RABGAP1: variants seen among roughly 807,000 people sequenced by gnomAD.
RABGAP1 encodes the protein RAB GTPase activating protein 1.
RABGAP1 carries 23 observed loss-of-function variants against 137.6 expected under a neutral mutation model. The observed-to-expected ratio is 0.17, with a 90% confidence interval of 0.12 to 0.24. The LOEUF is 0.24. Among genes scored for constraint, RABGAP1 ranks in the 10% least tolerant of loss-of-function variants. The pLI, the probability that RABGAP1 is intolerant of heterozygous loss-of-function variation, is 1.00. For missense variants in RABGAP1, 906 were observed against 1,275.8 expected (o/e 0.71, Z 4.42); for synonymous variants, 451 against 450.7 (o/e 1.00, Z -0.01).
chr9:123,019,226 A>G (rs1175237256), intron 12 of RABGAP1, among the ~76,000 whole-genome samples: 1 of 152,258 alleles, frequency 6.6e-6, no homozygotes, highest in Non-Finnish European at 1.5e-5. Context: ...GCCACCATAA[A>G]CATTCAGAAA....
chr9:122,989,083 A>G lies in RABGAP1; in HGVS notation c.591-214A>G, dbSNP rs79128071. ...TATACCTTTCTGTTTGCCTCCCTAAAACATGATACTATATGGTTTTTAGTA... is the reference window on the plus strand; with the variant it reads ...TATACCTTTCTGTTTGCCTCCCTAAGACATGATACTATATGGTTTTTAGTA... On this transcript the variant is annotated intron_variant, in intron 4 of 25. Coordinates refer to ENST00000373647, the MANE Select transcript of RABGAP1 (RefSeq NM_012197.4). Among the ~76,000 whole-genome samples, 1,350 of 152,278 alleles carry G rather than the reference A, an allele frequency of 8.9e-3. 15 individuals carry two copies. The highest frequency in any genetic ancestry group is 0.031 in the African/African-American group (1,277 of 41,542).
chr9:123,079,409 T>C (rs777429998), intron 19 of RABGAP1, among the ~76,000 whole-genome samples: 2 of 152,036 alleles, frequency 1.3e-5, no homozygotes, highest in Admixed American at 6.5e-5. Flanking sequence ...AGCCACTTTT[T>C]TGTATTTTTG....
chr9:123,034,677 T>G (rs752206999), intron 13 of RABGAP1: 10 of 1,613,160 alleles, frequency 6.2e-6, no homozygotes, highest in Non-Finnish European at 8.5e-6. Context: ...TTATTGTCTT[T>G]CTAACTGTAT....
intron 2 of RABGAP1, among the ~76,000 whole-genome samples, chr9:122,960,584 A>G (rs10985842): frequency 1.3e-3 from 194 of 152,346 alleles, no homozygotes; most frequent in African/African-American, 4.5e-3. Context: ...ACTGTATATT[A>G]TCTCAAGTAT....
chr9:123,037,901 TC>T (rs982356198), intron 13 of RABGAP1, among the ~76,000 whole-genome samples: 12 of 152,252 alleles, frequency 7.9e-5, no homozygotes, highest in African/African-American at 2.6e-4. Flanking sequence ...CAGTCTGACT[TC>T]AAAAAAAATG....
At chr9:123,018,033 G>T (rs10985864) in intron 12 of RABGAP1, among the ~76,000 whole-genome samples, 10,129 of 152,028 alleles carry the variant, frequency 0.067, 399 homozygotes, top group African/African-American at 0.083. Flanking sequence ...TCTCGCTGTC[G>T]CCCAGGCTGG....
intron 13 of RABGAP1, among the ~76,000 whole-genome samples, chr9:123,059,211 G>T (rs1371287994): frequency 6.6e-6 from 1 of 152,152 alleles, no homozygotes; most frequent in Admixed American, 6.5e-5. Context: ...GATAAAGGAA[G>T]ATCAGTGTTA....
intron 6 of RABGAP1, chr9:122,990,785 AAAAAAAAAAAAATATATATATATAT>A (rs1408522892): frequency 1.7e-4 from 14 of 82,536 alleles, no homozygotes; most frequent in Non-Finnish European, 2.9e-4. Context: ...AAAAAAAAAA[AAAAAAAAAAAAATATATATATATAT>A]ATATATATAT....
At chr9:123,037,032 C>A (rs1241921285) in intron 13 of RABGAP1, among the ~76,000 whole-genome samples, 1 of 152,058 alleles carries the variant, frequency 6.6e-6, no homozygotes, top group Non-Finnish European at 1.5e-5. Flanking sequence ...TTCTGCTGTT[C>A]TGGAAATGTT....
chr9:122,984,014 T>C (rs960041573), intron 2 of RABGAP1, among the ~76,000 whole-genome samples: 1 of 152,252 alleles, frequency 6.6e-6, no homozygotes, highest in Non-Finnish European at 1.5e-5. Flanking sequence ...GACTTGCATA[T>C]GACTGGAGTG....
At chr9:122,949,914 C>T (rs540396171) in intron 1 of RABGAP1, among the ~76,000 whole-genome samples, 118 of 152,156 alleles carry the variant, frequency 7.8e-4, no homozygotes, top group Middle Eastern at 6.8e-3. Context: ...ACATTCCCAG[C>T]TGAGCAAGCA....
intron 1 of RABGAP1, chr9:122,946,070 A>T (rs139049339): frequency 1.7e-3 from 261 of 152,316 alleles, no homozygotes; most frequent in African/African-American, 5.5e-3. Flanking sequence ...AACAATCGAG[A>T]TAACTCACTG....
At chr9:123,011,865 G>T (rs912182432) in intron 11 of RABGAP1, among the ~76,000 whole-genome samples, 5 of 152,196 alleles carry the variant, frequency 3.3e-5, no homozygotes, top group African/African-American at 1.2e-4. Context: ...TGAGGCAGGA[G>T]AGTTGATTGT....
At chr9:123,013,752 G>A (rs552785884) in intron 11 of RABGAP1, among the ~76,000 whole-genome samples, 2 of 152,126 alleles carry the variant, frequency 1.3e-5, no homozygotes, top group African/African-American at 4.8e-5. Flanking sequence ...ATATAAAAAC[G>A]TTCAATAAGA....
chr9:123,050,528 T>C (rs2033407744), intron 13 of RABGAP1, among the ~76,000 whole-genome samples: 1 of 152,226 alleles, frequency 6.6e-6, no homozygotes, highest in Admixed American at 6.5e-5. Flanking sequence ...GCTAGTCATG[T>C]AGGGACAAGT....
chr9:123,003,473 C>T (rs990604295), intron 10 of RABGAP1, among the ~76,000 whole-genome samples: 1 of 152,110 alleles, frequency 6.6e-6, no homozygotes, highest in South Asian at 2.1e-4. Context: ...AACCATTTTC[C>T]GTTCTCCTTA....
At chr9:123,065,623 C>T in intron 14 of RABGAP1, 162 bp downstream of exon 14, 1 of 620,262 alleles carries the variant, frequency 1.6e-6, no homozygotes, top group Admixed American at 2.8e-5. Flanking sequence ...ATTTTAGATT[C>T]ATTAAAGAGT....
intron 23 of RABGAP1, 146 bp downstream of exon 23, chr9:123,098,944 C>A: frequency 1.3e-5 from 7 of 551,468 alleles, no homozygotes; most frequent in Non-Finnish European, 2.0e-5. Context: ...CAAGTGGCTT[C>A]ACTTATTCTC....
intron 3 of RABGAP1, 89 bp from the exon 4 acceptor site, chr9:122,986,126 A>T: frequency 8.1e-7 from 1 of 1,240,080 alleles, no homozygotes; most frequent in Non-Finnish European, 1.2e-6. Flanking sequence ...TTTAGACCTT[A>T]AATGTTACTT....
Sources: allele counts gnomAD v4.1 joint callset (sites outside exome capture counted in the v4.1 genomes callset), GRCh38; gene constraint gnomAD v4.1.1; transcripts MANE v1.5; gene names NCBI Gene and HGNC (gene_info 2026-07-23, HGNC 2026-07-21).